Variants in VDAC1 observed in about 807,000 individuals in gnomAD.
VDAC1 encodes voltage dependent anion channel 1.
VDAC1 carries 10 observed loss-of-function variants against 34.7 expected under a neutral mutation model. The ratio of observed to expected loss-of-function variants is 0.29; its 90% CI spans 0.18 to 0.49. VDAC1 has a LOEUF of 0.49. Among genes scored for constraint, VDAC1 ranks in the 20% least tolerant of loss-of-function variants. The pLI is 0.99. For synonymous variants in VDAC1, 130 were observed against 136.0 expected, an observed-to-expected ratio of 0.96 and a Z score of 0.30; for missense variants, 230 against 347.9, an observed-to-expected ratio of 0.66 and a Z score of 2.69.
chr5:134,103,422 T>A, the VDAC1 span, among the ~76,000 whole-genome samples: 1 of 152,140 alleles, frequency 6.6e-6, no homozygotes, highest in African/African-American at 2.4e-5. Flanking sequence ...TGTGCCAGGC[T>A]GGTGTCATTC....
chr5:134,100,986 T>C, the VDAC1 span, among the ~76,000 whole-genome samples: 245 of 152,366 alleles, frequency 1.6e-3, 2 homozygotes, highest in South Asian at 0.025. Flanking sequence ...GCTTCCTCCT[T>C]CTGATCCATT....
chr5:134,112,187 C>T, the VDAC1 span, among the ~76,000 whole-genome samples: 1 of 152,220 alleles, frequency 6.6e-6, no homozygotes, highest in Non-Finnish European at 1.5e-5. Flanking sequence ...AATCTACCTC[C>T]TTCAGGAAGC....
chr5:134,023,323 C>A, the VDAC1 span, among the ~76,000 whole-genome samples: 1 of 151,602 alleles, frequency 6.6e-6, no homozygotes, highest in Admixed American at 6.6e-5. Context: ...TGGGGTCTGT[C>A]GGGGGGCAAG....
chr5:134,108,109 C>A, the VDAC1 span, among the ~76,000 whole-genome samples: 1 of 152,180 alleles, frequency 6.6e-6, no homozygotes, highest in South Asian at 2.1e-4. Context: ...TCTCTGCAGA[C>A]CTGGGGAGGC....
At chr5:134,105,600 G>C in the VDAC1 span, among the ~76,000 whole-genome samples, 2 of 152,240 alleles carry the variant, frequency 1.3e-5, no homozygotes, top group Non-Finnish European at 2.9e-5. Context: ...CTCTGCCCAG[G>C]GGACCCAGTC....
At chr5:134,103,899 G>A in the VDAC1 span, among the ~76,000 whole-genome samples, 1 of 152,178 alleles carries the variant, frequency 6.6e-6, no homozygotes. Context: ...TAGGAGCGCT[G>A]CTCGGCTCCT....
the VDAC1 span, among the ~76,000 whole-genome samples, chr5:134,096,929 C>T: frequency 8.5e-5 from 13 of 152,264 alleles, no homozygotes; most frequent in Non-Finnish European, 1.3e-4. Context: ...AGCAGGCAAA[C>T]GAAGGCCTAG....
the VDAC1 span, among the ~76,000 whole-genome samples, chr5:134,037,604 C>G: frequency 1.3e-5 from 2 of 152,214 alleles, no homozygotes; most frequent in Admixed American, 6.5e-5. Flanking sequence ...GCCCCTGCTT[C>G]AAGATATCCC....
chr5:134,080,540 C>T, the VDAC1 span, among the ~76,000 whole-genome samples: 2 of 152,204 alleles, frequency 1.3e-5, no homozygotes, highest in African/African-American at 4.8e-5. Context: ...GTACCACGGG[C>T]AGGTTAAGTC....
chr5:134,080,505 G>A, the VDAC1 span, among the ~76,000 whole-genome samples: 4 of 151,870 alleles, frequency 2.6e-5, no homozygotes, highest in African/African-American at 4.8e-5. Flanking sequence ...ACAGTACCAC[G>A]GGCAGGTTAA....
the VDAC1 span, among the ~76,000 whole-genome samples, chr5:134,086,264 G>GA: frequency 6.6e-6 from 1 of 152,144 alleles, no homozygotes; most frequent in African/African-American, 2.4e-5. Context: ...GCTTTAGAAA[G>GA]AAAAAACAAT....
At chr5:134,042,873 G>A in the VDAC1 span, among the ~76,000 whole-genome samples, 3 of 152,172 alleles carry the variant, frequency 2.0e-5, no homozygotes, top group Admixed American at 2.0e-4. Context: ...GCTCCCCCAG[G>A]TCCCCCACCT....
At chr5:134,077,547 C>T in the VDAC1 span, among the ~76,000 whole-genome samples, 1 of 152,192 alleles carries the variant, frequency 6.6e-6, no homozygotes. Context: ...TTGTACAATT[C>T]CCATCACGCT....
the VDAC1 span, among the ~76,000 whole-genome samples, chr5:134,012,031 C>G: frequency 1.3e-5 from 2 of 149,566 alleles, no homozygotes; most frequent in African/African-American, 4.9e-5. Flanking sequence ...GGGAGAGAGA[C>G]AGAGAGAGAA....
chr5:134,024,127 A>T, the VDAC1 span, among the ~76,000 whole-genome samples: 1 of 151,816 alleles, frequency 6.6e-6, no homozygotes. Flanking sequence ...TAGGCAACAG[A>T]GGAAGACTCC....
chr5:134,093,961 T>G, the VDAC1 span, among the ~76,000 whole-genome samples: 4 of 152,228 alleles, frequency 2.6e-5, no homozygotes, highest in African/African-American at 7.2e-5. Context: ...GTGAGTCTCC[T>G]GTCTGCCTCA....
At chr5:134,077,716 C>G in the VDAC1 span, among the ~76,000 whole-genome samples, 1 of 152,172 alleles carries the variant, frequency 6.6e-6, no homozygotes, top group African/African-American at 2.4e-5. Context: ...AAGAGCTAGG[C>G]CTCCCTTTTG....
chr5:134,045,885 G>T, the VDAC1 span, among the ~76,000 whole-genome samples: 1 of 151,314 alleles, frequency 6.6e-6, no homozygotes, highest in Non-Finnish European at 1.5e-5. Flanking sequence ...GGGTTTCTCC[G>T]TGTTGGTCAG....
chr5:134,067,297 ACTCTTGAC>A, the VDAC1 span, among the ~76,000 whole-genome samples: 5 of 150,626 alleles, frequency 3.3e-5, no homozygotes, highest in Admixed American at 2.6e-4. Flanking sequence ...CTGGTCTTGA[ACTCTTGAC>A]CTCAGGTGAC....
Sources: allele counts gnomAD v4.1 joint callset (sites outside exome capture counted in the v4.1 genomes callset), GRCh38; gene constraint gnomAD v4.1.1; transcripts MANE v1.5; gene names NCBI Gene and HGNC (gene_info 2026-07-23, HGNC 2026-07-21).